Variants in KIF13A observed in about 807,000 individuals in gnomAD.
KIF13A encodes kinesin-like protein KIF13A.
Under a neutral mutation model 212.2 loss-of-function variants are expected in KIF13A, and 79 were observed. The observed-to-expected ratio is 0.37, with a 90% CI of 0.31 to 0.45. The LOEUF (loss-of-function observed/expected upper bound fraction) is 0.45, where lower values mean the gene tolerates loss of function less well. KIF13A is among the 20% of genes least tolerant of loss of function. The pLI is 1.00. For synonymous variants in KIF13A, 789 were observed against 808.6 expected (o/e 0.98, Z 0.41); for missense variants, 1,901 against 2,209.0 (o/e 0.86, Z 2.79).
In KIF13A at chr6:17,984,522, C is replaced by T. The variant is rs1264420159; in HGVS notation, c.146+2532G>A. 1 of 985,022 alleles carries T rather than the reference C, an allele frequency of 1.0e-6. No homozygotes were observed. The highest frequency in any genetic ancestry group is 1.2e-6 in the Non-Finnish European group (1 of 829,822). 61.0% of individuals were successfully genotyped at this position (985,022 alleles called of 1,614,324 possible). The stretch of plus-strand genomic sequence containing the variant: ...TCAGAGATCCTCTGATCTTTTAGTC[C>T]TAGCTACACAGTCTTGGCTTTGGTT... On this transcript the variant is annotated intron_variant, in intron 2 of 38. Transcript: ENST00000259711. The surrounding 1 kb of genome is among the most constrained non-coding windows in gnomAD (Gnocchi z 5.0).
intron 4 of KIF13A, among the ~76,000 whole-genome samples, chr6:17,863,258 GA>G (rs369850608): frequency 6.6e-6 from 1 of 152,280 alleles, no homozygotes; most frequent in East Asian, 1.9e-4. Flanking sequence ...GTGGAGGACA[GA>G]AAGGGTGGGG....
chr6:17,874,093 C>A (rs1303404210), intron 3 of KIF13A, among the ~76,000 whole-genome samples: 2 of 152,040 alleles, frequency 1.3e-5, no homozygotes, highest in African/African-American at 2.4e-5. Context: ...AACCATGGAA[C>A]CTTCCAGGTC....
rs1197135759 is a variant in KIF13A, at chr6:17,982,039, T to G, written c.146+5015A>C. ...AAAATGCTTGGGACCAGAAGTGTTT[T>G]GGATTTTGAATTTTTCTTGAATTTG... is the stretch of plus-strand genomic sequence containing the variant. On this transcript the variant is annotated intron_variant, in intron 2 of 38. Transcript: ENST00000259711. This position sits in a 1 kb window ranked among gnomAD's most constrained non-coding sequence, Gnocchi z 5.1. 6.6e-6 allele frequency among the ~76,000 whole-genome samples: 1 copy of G among 152,230 alleles called. No homozygotes were observed. Among genetic ancestry groups the G allele is most frequent in the East Asian group, 1.9e-4 (1 of 5,176 alleles).
At chr6:17,882,593 G>A (rs1040405522) in intron 3 of KIF13A, among the ~76,000 whole-genome samples, 5 of 146,898 alleles carry the variant, frequency 3.4e-5, no homozygotes, top group Admixed American at 3.4e-4. Flanking sequence ...ATGGAGTCTT[G>A]CTCTGTCGCC....
In KIF13A at chr6:17,819,517, G is replaced by A. The variant is rs1197925914; in HGVS notation, c.1787-2284C>T. On this transcript the variant is annotated intron_variant, in intron 16 of 38. Transcript: ENST00000259711. The stretch of plus-strand genomic sequence containing the variant: ...GCGGAGGTTGTAGTGAGCTGAGATC[G>A]TGCCACTGCACTCCAGCCTGGGCAA... Among the ~76,000 whole-genome samples, 7 of 152,078 alleles carry A rather than the reference G, an allele frequency of 4.6e-5. No individual in the cohort carries two copies. The East Asian group carries it at 7.8e-4, about 17-fold the overall frequency.
chr6:17,945,998 G>A (rs1342023710), intron 2 of KIF13A, among the ~76,000 whole-genome samples: 1 of 152,030 alleles, frequency 6.6e-6, no homozygotes, highest in African/African-American at 2.4e-5. Flanking sequence ...ACTTCATACT[G>A]TTTAAAAAAA....
intron 12 of KIF13A, among the ~76,000 whole-genome samples, chr6:17,831,944 C>G (rs1273767512): frequency 6.6e-6 from 1 of 151,866 alleles, no homozygotes; most frequent in Non-Finnish European, 1.5e-5. Context: ...AAGTTATATT[C>G]TGGTGGGAGG....
Position 17,771,968 on chromosome 6 carries a change from A to T in KIF13A, c.4416T>A (p.Pro1472=), listed in dbSNP as rs1318248144. Residue 1472 remains proline, a synonymous_variant, in exon 37 of 39, where the codon CCT becomes CCA. Coordinates refer to ENST00000259711, the MANE Select transcript of KIF13A (RefSeq NM_022113.6). This position sits in a 1 kb window ranked among gnomAD's most constrained non-coding sequence, Gnocchi z 5.4. ...TCCTTTTCTTATGCTCCTCTTTTAC[A>T]GGCATTAGGGGCTTGAAAAACTTTG... ...QPPKFFKPLM[P]VKEEHKKRIA... 1.9e-6 allele frequency: 3 copies of T among 1,613,862 alleles called. No homozygotes were observed. The highest frequency in any genetic ancestry group is 2.5e-6 in the Non-Finnish European group (3 of 1,179,864).
intron 25 of KIF13A, among the ~76,000 whole-genome samples, chr6:17,791,367 T>C (rs570470987): frequency 9.0e-4 from 137 of 151,702 alleles, no homozygotes; most frequent in African/African-American, 3.1e-3. Flanking sequence ...ATGAGAATAA[T>C]TCTTTTTTTT....
chr6:17,972,267 A>G (rs1779869446), intron 2 of KIF13A, among the ~76,000 whole-genome samples: 1 of 152,222 alleles, frequency 6.6e-6, no homozygotes, highest in Admixed American at 6.5e-5. Flanking sequence ...GATCTTTCTC[A>G]ATGTCATAAT....
rs917490315 is a variant in KIF13A at position 17,968,591 on chromosome 6, C to G, written c.146+18463G>C. Among the ~76,000 whole-genome samples, 4 of 152,176 alleles carry G rather than the reference C, an allele frequency of 2.6e-5. No individual in the cohort carries two copies. The highest frequency in any genetic ancestry group is 9.7e-5 in the African/African-American group (4 of 41,438). On this transcript the variant is annotated intron_variant, in intron 2 of 38. Coordinates refer to ENST00000259711, the MANE Select transcript of KIF13A (RefSeq NM_022113.6). This position sits in a 1 kb window ranked among gnomAD's most constrained non-coding sequence, Gnocchi z 4.7. Reference sequence around the variant, plus strand: ...ACCTGCATAGAATCTGCAGCTAATGCTGCTCCATAGGTTGTGCAGTGAACA... The same window carrying G: ...ACCTGCATAGAATCTGCAGCTAATGGTGCTCCATAGGTTGTGCAGTGAACA...
rs1350069686 is a variant in KIF13A, at chr6:17,918,268, G to T, written c.147-20088C>A. On this transcript the variant is annotated intron_variant, in intron 2 of 38. Coordinates refer to ENST00000259711, the MANE Select transcript of KIF13A (RefSeq NM_022113.6). The surrounding 1 kb of genome is among the most constrained non-coding windows in gnomAD (Gnocchi z 4.8). The stretch of plus-strand genomic sequence containing the variant: ...GCATAGTGCTTGACGTGCAGCAGAG[G>T]ATAAATGTTTACTGAATAAATACAT... 1.3e-5 allele frequency among the ~76,000 whole-genome samples: 2 copies of T among 152,012 alleles called. No individual in the cohort carries two copies. Among genetic ancestry groups the T allele is most frequent in the African/African-American group, 4.8e-5 (2 of 41,386 alleles).
At chr6:17,903,478 A>G (rs981773967) in intron 2 of KIF13A, among the ~76,000 whole-genome samples, 11 of 152,188 alleles carry the variant, frequency 7.2e-5, no homozygotes, top group African/African-American at 2.2e-4. Context: ...AGAATTTAGG[A>G]TGAACAAAAA....
chr6:17,881,015 A>G (rs1310042129), intron 3 of KIF13A, among the ~76,000 whole-genome samples: 1 of 152,068 alleles, frequency 6.6e-6, no homozygotes, highest in African/African-American at 2.4e-5. Context: ...TTTTTTTGCA[A>G]AGGCATTCAT....
intron 9 of KIF13A, among the ~76,000 whole-genome samples, chr6:17,847,009 G>A (rs1282836128): frequency 1.3e-5 from 2 of 152,140 alleles, no homozygotes; most frequent in Non-Finnish European, 2.9e-5. Flanking sequence ...TGGGGATAAC[G>A]GACCCATGCC....
chr6:17,854,546 ATTTTTTT>A (rs36073765), intron 6 of KIF13A, among the ~76,000 whole-genome samples: 110 of 77,120 alleles, frequency 1.4e-3, no homozygotes, highest in African/African-American at 5.5e-3. Flanking sequence ...AATCAGTATA[ATTTTTTT>A]TTTTTTTTTT....
In KIF13A at chr6:17,987,288, C is replaced by T. The variant is rs966698540; in HGVS notation, c.55+121G>A. ...CCCCGGGCACCACGGCCAGCGCGGACGCCGCCTCCGCCCCGGCCCCCCGGC... is the reference window on the plus strand; with the variant it reads ...CCCCGGGCACCACGGCCAGCGCGGATGCCGCCTCCGCCCCGGCCCCCCGGC... On this transcript the variant is annotated intron_variant, in intron 1 of 38. Coordinates refer to ENST00000259711, the MANE Select transcript of KIF13A (RefSeq NM_022113.6). The surrounding 1 kb of genome is among the most constrained non-coding windows in gnomAD (Gnocchi z 7.7). 2.1e-4 allele frequency: 175 copies of T among 847,542 alleles called. 2 individuals are homozygous for T. The highest frequency in any genetic ancestry group is 4.7e-4 in the Middle Eastern group (1 of 2,148). 52.5% of individuals were successfully genotyped at this position (847,542 alleles called of 1,614,324 possible).
Position 17,926,448 on chromosome 6 carries a change from G to A in KIF13A, c.147-28268C>T, listed in dbSNP as rs983029918. ...GTGTTTTGCCATGTTGGCCAGGCTG[G>A]TCTTGAACTCCAGCCTCAAGTGATC... On this transcript the variant is annotated intron_variant, in intron 2 of 38. Transcript: ENST00000259711. This position sits in a 1 kb window ranked among gnomAD's most constrained non-coding sequence, Gnocchi z 4.3. Among the ~76,000 whole-genome samples the A allele has an allele frequency of 9.9e-5, 15 of 152,122 alleles. No individual in the cohort carries two copies. The highest frequency in any genetic ancestry group is 1.5e-4 in the Non-Finnish European group (10 of 68,020).
At chr6:17,836,246 C>T (rs1394600444) in intron 11 of KIF13A, among the ~76,000 whole-genome samples, 4 of 152,170 alleles carry the variant, frequency 2.6e-5, no homozygotes, top group Admixed American at 6.5e-5. Context: ...TTTGATCACG[C>T]CGTTTCCACA....
Sources: allele counts gnomAD v4.1 joint callset (sites outside exome capture counted in the v4.1 genomes callset), GRCh38; gene constraint gnomAD v4.1.1; non-coding constraint Gnocchi (gnomAD v3.1); transcripts MANE v1.5; gene names NCBI Gene and HGNC (gene_info 2026-07-23, HGNC 2026-07-21).